The following SLC2A13 variants were observed in gnomAD, a reference collection of about 807,000 sequenced individuals.
SLC2A13 encodes proton myo-inositol cotransporter.
SLC2A13 carries 32 observed loss-of-function variants against 64.4 expected under a neutral mutation model. The ratio of observed to expected loss-of-function variants is 0.50; its 90% confidence interval spans 0.37 to 0.67. The LOEUF is 0.67. Ranked by LOEUF, SLC2A13 falls within the 30% of genes least tolerant of loss-of-function variation. The pLI, the probability that SLC2A13 is intolerant of heterozygous loss-of-function variation, is 0.00. For synonymous variants in SLC2A13, 338 were observed against 327.1 expected (o/e 1.03, Z -0.36); for missense variants, 743 against 829.2 (o/e 0.90, Z 1.28).
Position 39,817,978 on chromosome 12 carries a change from A to C in SLC2A13, c.1445+12125T>G, listed in dbSNP as rs1278748370. Among the ~76,000 whole-genome samples the C allele has an allele frequency of 2.0e-5, 3 of 152,094 alleles. No homozygotes were observed. In the East Asian group the frequency reaches 5.8e-4, roughly 29 times the overall value. On this transcript the variant is annotated intron_variant, in intron 7 of 9. Coordinates refer to ENST00000280871, the MANE Select transcript of SLC2A13 (RefSeq NM_052885.4). ...CTGTTTTTCTTCATTCTATTTTGTC[A>C]GTTTCTCCTCTGCTTTGTCCTTTCA...
chr12:39,881,638 G>A (rs759038846), intron 4 of SLC2A13, among the ~76,000 whole-genome samples: 7 of 152,024 alleles, frequency 4.6e-5, no homozygotes, highest in African/African-American at 9.7e-5. Flanking sequence ...CATCTCAGCC[G>A]TCCCATACTC....
chr12:39,935,508 A>G (rs2136078191), intron 4 of SLC2A13, among the ~76,000 whole-genome samples: 1 of 152,360 alleles, frequency 6.6e-6, no homozygotes, highest in Non-Finnish European at 1.5e-5. Flanking sequence ...GAATAAAAAC[A>G]AAACAGTCAG....
intron 7 of SLC2A13, among the ~76,000 whole-genome samples, chr12:39,794,850 C>T (rs1223455854): frequency 2.6e-5 from 4 of 152,134 alleles, no homozygotes; most frequent in African/African-American, 7.2e-5. Context: ...TTTCTCTCCA[C>T]GCATGAAGGA....
intron 6 of SLC2A13, among the ~76,000 whole-genome samples, chr12:39,858,797 G>A (rs555045839): frequency 5.9e-5 from 9 of 152,162 alleles, no homozygotes; most frequent in African/African-American, 2.2e-4. Flanking sequence ...TGGTAGAGAT[G>A]GAATTTCACT....
intron 7 of SLC2A13, among the ~76,000 whole-genome samples, chr12:39,823,604 C>CTT (rs1942583916): frequency 6.8e-6 from 1 of 146,882 alleles, no homozygotes; most frequent in African/African-American, 2.4e-5. Context: ...TAATCTTTAG[C>CTT]CAGGATGATG....
At chr12:39,770,272 A>T (rs1940513170) in intron 7 of SLC2A13, among the ~76,000 whole-genome samples, 1 of 152,088 alleles carries the variant, frequency 6.6e-6, no homozygotes, top group Non-Finnish European at 1.5e-5. Context: ...CCACTGATGG[A>T]ATTTAGGTAC....
chr12:40,081,227 C>T (rs1021199839), intron 1 of SLC2A13, among the ~76,000 whole-genome samples: 1 of 152,126 alleles, frequency 6.6e-6, no homozygotes, highest in Non-Finnish European at 1.5e-5. Flanking sequence ...TGTGAATTTA[C>T]CAAATTTGCA....
intron 2 of SLC2A13, among the ~76,000 whole-genome samples, chr12:40,044,707 C>T (rs925921488): frequency 3.9e-5 from 6 of 152,034 alleles, no homozygotes; most frequent in African/African-American, 1.4e-4. Flanking sequence ...TCTATGATAT[C>T]TAAAAAATAA....
intron 1 of SLC2A13, among the ~76,000 whole-genome samples, chr12:40,051,076 A>G (rs1948245603): frequency 6.6e-6 from 1 of 152,178 alleles, no homozygotes; most frequent in South Asian, 2.1e-4. Context: ...AGTACAAACA[A>G]ATAAAATAGG....
chr12:39,766,550 A>C (rs1228116344), intron 7 of SLC2A13, among the ~76,000 whole-genome samples: 1 of 152,016 alleles, frequency 6.6e-6, no homozygotes, highest in Non-Finnish European at 1.5e-5. Flanking sequence ...TTCTCAAAAT[A>C]AGACAACTGG....
At position 39,756,347 on chromosome 12, in the gene SLC2A13, TA is replaced by T. The variant is rs1344071598; in HGVS notation, c.*3678del. On this transcript the variant is annotated 3_prime_UTR_variant, in exon 10 of 10. Coordinates refer to ENST00000280871, the MANE Select transcript of SLC2A13 (RefSeq NM_052885.4). Reference sequence around the variant, plus strand: ...ACTGAAAAGGTCTTAATTTGGTAATTAAAAACTTGTCACAACAAGTGAATAA... The same window carrying T: ...ACTGAAAAGGTCTTAATTTGGTAATTAAAACTTGTCACAACAAGTGAATAA... 6.6e-6 allele frequency: 1 copy of T among 151,882 alleles called. No homozygotes were observed. Among genetic ancestry groups the T allele is most frequent in the Admixed American group, 6.6e-5 (1 of 15,212 alleles). The allele number at this position is 151,882 out of a possible 1,614,324, so 9.4% of individuals were successfully genotyped here.
intron 7 of SLC2A13, among the ~76,000 whole-genome samples, chr12:39,767,978 G>A (rs192234470): frequency 6.6e-6 from 1 of 152,188 alleles, no homozygotes; most frequent in Non-Finnish European, 1.5e-5. Flanking sequence ...AAACTACCCA[G>A]TCTCAGGCAG....
chr12:39,989,169 T>C (rs1947087971), intron 3 of SLC2A13, among the ~76,000 whole-genome samples: 1 of 152,156 alleles, frequency 6.6e-6, no homozygotes, highest in African/African-American at 2.4e-5. Context: ...CTTCTGCCCT[T>C]ACCCCCTGAA....
chr12:39,959,338 A>G (rs1946370236), intron 3 of SLC2A13, among the ~76,000 whole-genome samples: 1 of 152,246 alleles, frequency 6.6e-6, no homozygotes, highest in Non-Finnish European at 1.5e-5. Flanking sequence ...ATTTATGCCA[A>G]TACATTCCAA....
At chr12:39,889,690 G>A (rs374410461) in intron 4 of SLC2A13, among the ~76,000 whole-genome samples, 1 of 151,558 alleles carries the variant, frequency 6.6e-6, no homozygotes, top group African/African-American at 2.4e-5. Context: ...CCACCACCAC[G>A]CCCGGCTAAT....
At chr12:39,863,954 C>G (rs1013633461) in intron 6 of SLC2A13, among the ~76,000 whole-genome samples, 4 of 152,162 alleles carry the variant, frequency 2.6e-5, no homozygotes, top group African/African-American at 9.7e-5. Flanking sequence ...TTGCGTCCAT[C>G]TATTTCAAGC....
chr12:39,913,472 C>A (rs1945464191), intron 4 of SLC2A13, among the ~76,000 whole-genome samples: 1 of 148,356 alleles, frequency 6.7e-6, no homozygotes, highest in African/African-American at 2.5e-5. Context: ...ATATATTTTT[C>A]AAATTTAGTC....
intron 2 of SLC2A13, among the ~76,000 whole-genome samples, chr12:40,036,391 T>C (rs1034676028): frequency 6.6e-6 from 1 of 152,172 alleles, no homozygotes; most frequent in African/African-American, 2.4e-5. Context: ...TAAGAAAATA[T>C]GCACACCCTT....
chr12:39,861,139 C>T lies in SLC2A13; in HGVS notation c.1319+3623G>A, dbSNP rs78163282. On this transcript the variant is annotated intron_variant, in intron 6 of 9. Transcript: ENST00000280871. ...CATTCTTTCTGTGTGACATACTCCA[C>T]TCTTCTTTTAAGAGCTCAGTACAAA... Among the ~76,000 whole-genome samples the T allele has an allele frequency of 4.0e-3, 602 of 152,304 alleles. 5 individuals carry two copies. Among genetic ancestry groups the T allele is most frequent in the African/African-American group, 0.014 (575 of 41,572 alleles).
Sources: gnomAD v4.1 joint callset for allele counts (sites outside exome capture counted in the v4.1 genomes callset) on GRCh38, gnomAD v4.1.1 for gene constraint, MANE v1.5 for transcripts, NCBI Gene and HGNC (gene_info 2026-07-23, HGNC 2026-07-21) for gene names.